Variants in ASIC2 observed in about 807,000 individuals in gnomAD.
ASIC2 encodes acid sensing ion channel subunit 2, also known as acid-sensing ion channel 2.
In ASIC2, 25 loss-of-function variants were observed where a neutral mutation model predicts 57.3. That is an observed-to-expected ratio of 0.44 (90% CI 0.32 to 0.61). ASIC2 has a LOEUF of 0.61. Ranked by LOEUF, ASIC2 falls within the 20% of genes least tolerant of loss-of-function variation. The pLI is 0.06. For missense variants in ASIC2, 641 were observed against 738.1 expected, an observed-to-expected ratio of 0.87 and a Z score of 1.52; for synonymous variants, 319 against 307.5, an observed-to-expected ratio of 1.04 and a Z score of -0.39.
rs1180772314 is a variant in ASIC2, at chr17:33,731,476, T to C, written c.555+424502A>G. ...TTGGAAAGTTTGAATCAAATGTCTT[T>C]CACCTAAGGTCCATAAAGAAATCTC... On this transcript the variant is annotated intron_variant, in intron 1 of 9. Coordinates refer to the ASIC2 transcript ENST00000359872. 3.3e-5 allele frequency among the ~76,000 whole-genome samples: 5 copies of C among 152,174 alleles called. No individual in the cohort carries two copies. In the East Asian group the frequency reaches 9.6e-4, roughly 29 times the overall value.
intron 4 of ASIC2, among the ~76,000 whole-genome samples, chr17:33,026,318 T>C (rs1296801667): frequency 2.0e-5 from 3 of 152,280 alleles, no homozygotes; most frequent in East Asian, 3.9e-4. Context: ...ACTAGGGAGG[T>C]GGTGGTAAGC....
chr17:33,885,979 C>A (rs868674304), intron 1 of ASIC2, among the ~76,000 whole-genome samples: 33 of 152,154 alleles, frequency 2.2e-4, no homozygotes, highest in African/African-American at 7.2e-4. Flanking sequence ...ATCTCAATGA[C>A]CATCTCAGTA....
chr17:33,543,991 C>T lies in ASIC2; in HGVS notation c.556-431924G>A, dbSNP rs114071945. ...TACAGTAAAGCTAGAGAACCTTTCC[C>T]TAACCCAGGAATTCCCTTTTGGCCC... On this transcript the variant is annotated intron_variant, in intron 1 of 9. Transcript: ENST00000359872. Among the ~76,000 whole-genome samples the T allele has an allele frequency of 3.0e-3, 462 of 152,312 alleles. 5 individuals carry two copies. The highest frequency in any genetic ancestry group is 0.011 in the African/African-American group (440 of 41,570).
intron 1 of ASIC2, among the ~76,000 whole-genome samples, chr17:33,298,442 G>A (rs917863293): frequency 2.0e-5 from 3 of 152,094 alleles, no homozygotes; most frequent in Admixed American, 6.5e-5. Flanking sequence ...ATTTTTTATG[G>A]CTGCATAGTA....
intron 1 of ASIC2, among the ~76,000 whole-genome samples, chr17:33,312,898 T>A (rs1489706334): frequency 6.6e-6 from 1 of 152,198 alleles, no homozygotes; most frequent in Non-Finnish European, 1.5e-5. Flanking sequence ...ATTGCACCAT[T>A]GCACTCCAGG....
intron 1 of ASIC2, among the ~76,000 whole-genome samples, chr17:33,721,050 A>G (rs1013939541): frequency 6.6e-6 from 1 of 152,160 alleles, no homozygotes. Context: ...AGCAATGAAA[A>G]CATTCATTGC....
intron 1 of ASIC2, chr17:33,680,976 G>A (rs1301617953): frequency 6.6e-6 from 1 of 152,222 alleles, no homozygotes; most frequent in Non-Finnish European, 1.5e-5. Flanking sequence ...TAAGGAAAAA[G>A]GCAACTGGTT....
intron 1 of ASIC2, among the ~76,000 whole-genome samples, chr17:33,152,829 C>T (rs1201997037): frequency 6.6e-6 from 1 of 152,196 alleles, no homozygotes; most frequent in African/African-American, 2.4e-5. Flanking sequence ...GAAAGGCATA[C>T]AAGGTATTTA....
At chr17:33,971,573 C>T (rs1174327565) in intron 1 of ASIC2, among the ~76,000 whole-genome samples, 1 of 152,134 alleles carries the variant, frequency 6.6e-6, no homozygotes, top group East Asian at 1.9e-4. Context: ...CAAGGGATGA[C>T]TTTTGCTGGA....
chr17:33,795,547 T>C (rs1224269713), intron 1 of ASIC2, among the ~76,000 whole-genome samples: 1 of 152,194 alleles, frequency 6.6e-6, no homozygotes, highest in Non-Finnish European at 1.5e-5. Flanking sequence ...AAGGGGTCCC[T>C]CCAGTGTCAA....
chr17:33,253,614 T>G (rs1166632500), intron 1 of ASIC2, among the ~76,000 whole-genome samples: 7 of 152,190 alleles, frequency 4.6e-5, no homozygotes, highest in Non-Finnish European at 1.0e-4. Context: ...TGCTGGCAGA[T>G]AGGATCCTCT....
In ASIC2 at chr17:33,738,135, C is replaced by A. The variant is rs1909981932; in HGVS notation, c.555+417843G>T. Among the ~76,000 whole-genome samples the A allele has an allele frequency of 2.0e-5, 3 of 152,124 alleles. No homozygotes were observed. In the South Asian group the frequency reaches 6.2e-4, roughly 32 times the overall value. On this transcript the variant is annotated intron_variant, in intron 1 of 9. Transcript: ENST00000359872. ...AGGCTTGCATTTTGTGACACACCAG[C>A]TCTTCTCAGGCCACTGGCATCATGA...
intron 1 of ASIC2, among the ~76,000 whole-genome samples, chr17:33,640,261 G>A (rs1322777807): frequency 1.3e-5 from 2 of 152,088 alleles, no homozygotes; most frequent in Non-Finnish European, 2.9e-5. Context: ...AGTTTTGGGG[G>A]TGCAAGATAT....
intron 1 of ASIC2, chr17:34,004,106 G>C (rs760062440): frequency 6.6e-6 from 1 of 152,146 alleles, no homozygotes; most frequent in Non-Finnish European, 1.5e-5. Context: ...TTGGATGAGA[G>C]TTTGTTGAGT....
intron 1 of ASIC2, among the ~76,000 whole-genome samples, chr17:33,735,386 G>A (rs1410275310): frequency 6.6e-6 from 1 of 152,158 alleles, no homozygotes; most frequent in Admixed American, 6.5e-5. Context: ...AGGCCATTAG[G>A]AAAGGTTCAC....
intron 1 of ASIC2, among the ~76,000 whole-genome samples, chr17:33,705,728 G>T (rs1011139248): frequency 6.6e-6 from 1 of 152,134 alleles, no homozygotes; most frequent in Non-Finnish European, 1.5e-5. Context: ...CCAACACCTT[G>T]GTTTTGGCTC....
chr17:33,133,074 T>C (rs1453786163), intron 1 of ASIC2, among the ~76,000 whole-genome samples: 1 of 152,124 alleles, frequency 6.6e-6, no homozygotes, highest in Non-Finnish European at 1.5e-5. Context: ...AAGAAATGCA[T>C]GGTAAATGGA....
intron 2 of ASIC2, among the ~76,000 whole-genome samples, chr17:33,100,605 C>T (rs1279662156): frequency 6.6e-6 from 1 of 152,222 alleles, no homozygotes; most frequent in Non-Finnish European, 1.5e-5. Context: ...ATGCTTGGCA[C>T]TCCTTGGACA....
At chr17:33,626,926 T>TA (rs1906003512) in intron 1 of ASIC2, 1 of 152,224 alleles carries the variant, frequency 6.6e-6, no homozygotes, top group Non-Finnish European at 1.5e-5. Flanking sequence ...ACCTTCAGAA[T>TA]AAAAACACAC....
Sources: gnomAD v4.1 joint callset for allele counts (sites outside exome capture counted in the v4.1 genomes callset) on GRCh38, gnomAD v4.1.1 for gene constraint, MANE v1.5 for transcripts, NCBI Gene and HGNC (gene_info 2026-07-23, HGNC 2026-07-21) for gene names.